ARRDC2: variants seen among roughly 807,000 people sequenced by gnomAD.
The protein encoded by ARRDC2 is arrestin domain-containing protein 2.
Under a neutral mutation model 38.9 loss-of-function variants are expected in ARRDC2, and 39 were observed. That is an observed-to-expected ratio of 1.00 (90% CI 0.78 to 1.31). ARRDC2 has a LOEUF of 1.31. Among genes scored for constraint, ARRDC2 ranks in the 50% most tolerant of loss-of-function variants. The probability of loss-of-function intolerance (pLI) is 0.00; values close to 1 mark genes in which losing one functional copy is unlikely to be tolerated. For missense variants in ARRDC2, 553 were observed against 588.4 expected, an observed-to-expected ratio of 0.94 and a Z score of 0.62; for synonymous variants, 300 against 261.9, an observed-to-expected ratio of 1.15 and a Z score of -1.41.
In ARRDC2 at chr19:18,008,344, C is replaced by T. The variant is rs1486972865; in HGVS notation, c.34C>T (p.Gln12Ter). The T allele has an allele frequency of 6.3e-7, 1 of 1,597,144 alleles. No individual in the cohort carries two copies. Among genetic ancestry groups the T allele is most frequent in the Non-Finnish European group, 8.5e-7 (1 of 1,179,096 alleles). The change falls in exon 1 of 8, where the codon CAG becomes TAG. Residue 12 changes from glutamine (Q) to a stop codon, truncating the protein, a stop_gained. Coordinates refer to ENST00000222250, the MANE Select transcript of ARRDC2 (RefSeq NM_015683.2). LOFTEE classifies it high-confidence loss of function. Reference sequence around the variant, plus strand: ...CGACAAGGTGAAAGCGTTCTCGGTGCAGTTGGACGGCGCGACCGCGGGCGT... The same window carrying T: ...CGACAAGGTGAAAGCGTTCTCGGTGTAGTTGGACGGCGCGACCGCGGGCGT... ...LFDKVKAFSV[Q>*]LDGATAGVEP...
exon 1 of ARRDC2, chr19:18,001,145 C>A: frequency 1.4e-6 from 1 of 693,262 alleles, no homozygotes; most frequent in Non-Finnish European, 1.9e-6. Flanking sequence ...GGAAGTTCGC[C>A]GACGACGCGC....
Position 18,013,243 on chromosome 19 carries a change from G to T in ARRDC2, c.*277G>T. 2.3e-6 allele frequency: 1 copy of T among 433,658 alleles called. No homozygotes were observed. The highest frequency in any genetic ancestry group is 4.1e-6 in the Non-Finnish European group (1 of 241,506). 26.9% of individuals were successfully genotyped at this position (433,658 alleles called of 1,614,324 possible). On this transcript the variant is annotated 3_prime_UTR_variant, in exon 8 of 8. Coordinates refer to ENST00000222250, the MANE Select transcript of ARRDC2 (RefSeq NM_015683.2). ...AACCTGTCTTCCCAGCCAATTGGTG[G>T]TGCTGGAATCCCCTAGGAGCCTTCA...
rs1465810538 is a variant in ARRDC2 at position 18,013,098 on chromosome 19, CG to C, written c.*137del. 6.3e-6 allele frequency: 6 copies of C among 946,766 alleles called. No homozygotes were observed. Among genetic ancestry groups the C allele is most frequent in the Non-Finnish European group, 9.5e-6 (6 of 631,770 alleles). The allele number at this position is 946,766 out of a possible 1,614,324, so 58.6% of individuals were successfully genotyped here. ...TGGGGAACCAAGTCTCAGAGTGAGG[CG>C]GGGGCCTTTCGGATATCACATGGGA... is the stretch of plus-strand genomic sequence containing the variant. On this transcript the variant is annotated 3_prime_UTR_variant, in exon 8 of 8. Transcript: ENST00000222250.
rs150892585 is a variant in ARRDC2 at position 18,011,163 on chromosome 19, A to G, written c.1170+434A>G. ...CAGGTGTTAGCCACCACACGTGGCT[A>G]ATTTTTGTATTTTTAGTAGAGACGG... On this transcript the variant is annotated intron_variant, in intron 7 of 7. Coordinates refer to ENST00000222250, the MANE Select transcript of ARRDC2 (RefSeq NM_015683.2). Among the ~76,000 whole-genome samples, 624 of 152,090 alleles carry G rather than the reference A, an allele frequency of 4.1e-3. 3 individuals are homozygous for G. The highest frequency in any genetic ancestry group is 0.015 in the African/African-American group (605 of 41,460).
intron 1 of ARRDC2, 24 bp from the exon 2 acceptor site, chr19:18,008,687 G>C (rs1218154830): frequency 5.6e-6 from 9 of 1,611,792 alleles, no homozygotes; most frequent in Non-Finnish European, 7.6e-6. Flanking sequence ...CCGCTCAGTC[G>C]CCTCCTTTTT....
At position 18,013,067 on chromosome 19, in the gene ARRDC2, C is replaced by G; in HGVS notation, c.*101C>G. The G allele has an allele frequency of 7.8e-7, 1 of 1,278,974 alleles. No individual in the cohort carries two copies. The highest frequency in any genetic ancestry group is 1.1e-6 in the Non-Finnish European group (1 of 905,498). The allele number at this position is 1,278,974 out of a possible 1,614,324, so 79.2% of individuals were successfully genotyped here. The stretch of plus-strand genomic sequence containing the variant: ...CAAGGGCTGACCTCCCCGACTGCAT[C>G]AAAGTTGGGGAACCAAGTCTCAGAG... On this transcript the variant is annotated 3_prime_UTR_variant, in exon 8 of 8. Coordinates refer to ENST00000222250, the MANE Select transcript of ARRDC2 (RefSeq NM_015683.2).
rs553102022 is a variant in ARRDC2 at position 18,009,340 on chromosome 19, C to G, written c.489+222C>G. On this transcript the variant is annotated intron_variant, in intron 3 of 7. Coordinates refer to ENST00000222250, the MANE Select transcript of ARRDC2 (RefSeq NM_015683.2). Reference sequence around the variant, plus strand: ...CCTCTCTGAGCCTCAGATGCCTCTTCTGTGAAATAGACCAGAGCTAGGGCT... The same window carrying G: ...CCTCTCTGAGCCTCAGATGCCTCTTGTGTGAAATAGACCAGAGCTAGGGCT... 3.5e-4 allele frequency: 225 copies of G among 648,618 alleles called. No individual in the cohort carries two copies. In the African/African-American group the frequency reaches 3.7e-3, roughly 11 times the overall value. The allele number at this position is 648,618 out of a possible 1,614,324, so 40.2% of individuals were successfully genotyped here.
chr19:18,009,529 C>A, intron 3 of ARRDC2, 63 bp from the exon 4 acceptor site: 2 of 1,450,856 alleles, frequency 1.4e-6, no homozygotes, highest in Non-Finnish European at 1.9e-6. Flanking sequence ...GGTTTGGAAG[C>A]TCCACAGCGA....
In ARRDC2 at chr19:18,008,192, G is replaced by T. The variant is rs2033321879; in HGVS notation, c.-119G>T. ...GGGGATTTTCTGCTCCGGTTGGTGA[G>T]CGCGCCTGCGCGTTGACGGCGATTT... On this transcript the variant is annotated 5_prime_UTR_variant, in exon 1 of 8. Transcript: ENST00000222250. The T allele has an allele frequency of 2.7e-6, 4 of 1,482,910 alleles. No individual in the cohort carries two copies. In the African/African-American group the frequency reaches 4.5e-5, roughly 17 times the overall value. The allele number at this position is 1,482,910 out of a possible 1,614,324, so 91.9% of individuals were successfully genotyped here.
In ARRDC2 at chr19:18,012,988, G is replaced by A; in HGVS notation, c.*22G>A. ...CTGAACGGCACAGGGACCCCTCGAGGAACAAGGTTGCACACCAGCTTTCAG... is the reference window on the plus strand; with the variant it reads ...CTGAACGGCACAGGGACCCCTCGAGAAACAAGGTTGCACACCAGCTTTCAG... On this transcript the variant is annotated 3_prime_UTR_variant, in exon 8 of 8. Transcript: ENST00000222250. 6.2e-7 allele frequency: 1 copy of A among 1,612,964 alleles called. No individual in the cohort carries two copies. The highest frequency in any genetic ancestry group is 8.5e-7 in the Non-Finnish European group (1 of 1,179,548).
Position 18,001,750 on chromosome 19 carries a change from C to T in ARRDC2, c.259+177C>T, listed in dbSNP as rs1286303316. Among the ~76,000 whole-genome samples the T allele has an allele frequency of 5.3e-5, 8 of 152,308 alleles. No individual in the cohort carries two copies. The East Asian group carries it at 1.2e-3, about 22-fold the overall frequency. ...CACAGGTCAGGAGTTCAAGACTAGC[C>T]TGGGCGACATGGTGAAACCCCATGT... On this transcript the variant is annotated intron_variant, in intron 1 of 7. Transcript: ENST00000379656.
Position 18,010,045 on chromosome 19 carries a change from G to T in ARRDC2, c.849+6G>T, listed in dbSNP as rs776537004. 7.5e-6 allele frequency: 12 copies of T among 1,603,008 alleles called. No individual in the cohort carries two copies. The highest frequency in any genetic ancestry group is 5.5e-5 in the South Asian group (5 of 90,910). On this transcript the variant is annotated splice_donor_region_variant and intron_variant, in intron 5 of 7. Transcript: ENST00000222250. ...ACGTGGACTACGCACTCAAGGTAGG[G>T]CATCCTGCTGGCCCTGGGGGACAGT...
chr19:18,008,122 C>CA, upstream of ARRDC2: 2 of 529,058 alleles, frequency 3.8e-6, no homozygotes, highest in South Asian at 2.5e-5. Flanking sequence ...GGTGACCCCA[C>CA]CCCCCCCCGC....
chr19:18,002,964 G>A (rs1399320459), intron 1 of ARRDC2, among the ~76,000 whole-genome samples: 3 of 152,262 alleles, frequency 2.0e-5, no homozygotes, highest in Admixed American at 6.6e-5. Context: ...TTAGCTGGGC[G>A]TGCTGGTGGG....
At position 18,009,828 on chromosome 19, in the gene ARRDC2, G is replaced by A. The variant is rs1275759384; in HGVS notation, c.638G>A (p.Arg213His). 3 of 1,612,310 alleles carry A rather than the reference G, an allele frequency of 1.9e-6. No homozygotes were observed. Among genetic ancestry groups the A allele is most frequent in the African/African-American group, 1.3e-5 (1 of 74,936 alleles). ...GCCGAGATCGACAACGGCTCCACAC[G>A]TCCTGTGCTGCCTCGGGCAGCCGTG... ...VFAEIDNGST[R>H]PVLPRAAVVQ... The change falls in exon 5 of 8, where the codon CGT becomes CAT. Residue 213 changes from arginine to histidine, a missense_variant. Arg to His is a conservative substitution (Grantham distance 29, BLOSUM62 0). Transcript: ENST00000222250.
chr19:18,012,356 G>T (rs1056258159), intron 7 of ARRDC2, among the ~76,000 whole-genome samples: 1 of 151,906 alleles, frequency 6.6e-6, no homozygotes, highest in African/African-American at 2.4e-5. Flanking sequence ...GGAGGCTGAG[G>T]TGGGCAGATC....
In ARRDC2 at chr19:18,010,198, C is replaced by T; in HGVS notation, c.852C>T (p.Val284=). 2.5e-6 allele frequency: 4 copies of T among 1,613,146 alleles called. No homozygotes were observed. The highest frequency in any genetic ancestry group is 3.4e-6 in the Non-Finnish European group (4 of 1,179,644). Residue 284 remains valine (V), a splice_region_variant and synonymous_variant, in exon 6 of 8, where the codon GTC becomes GTT. Transcript: ENST00000222250. ...TCCCTTATGGTTCCTTCCTCCAGGT[C>T]TGTGTGGATATCCCAGGAACGTCCA... is the stretch of plus-strand genomic sequence containing the variant. ...RVLHVDYALK[V]CVDIPGTSKL... is the part of the protein sequence containing the mutation.
At chr19:18,011,468 C>T (rs2033410455) in intron 7 of ARRDC2, among the ~76,000 whole-genome samples, 1 of 152,166 alleles carries the variant, frequency 6.6e-6, no homozygotes, top group Non-Finnish European at 1.5e-5. Flanking sequence ...AATTTCGCTA[C>T]ATACAGTCGG....
At chr19:18,010,757 A>C in intron 7 of ARRDC2, 28 bp downstream of exon 7, 1 of 1,607,096 alleles carries the variant, frequency 6.2e-7, no homozygotes, top group South Asian at 1.1e-5. Context: ...AGAACCACCC[A>C]TGCCTCTCTG....
Sources: gnomAD v4.1 joint callset for allele counts (sites outside exome capture counted in the v4.1 genomes callset) on GRCh38, gnomAD v4.1.1 for gene constraint, MANE v1.5 for transcripts, NCBI Gene and HGNC (gene_info 2026-07-23, HGNC 2026-07-21) for gene names.